Variants in NCKAP5 observed in about 807,000 individuals in gnomAD.
NCKAP5 encodes the protein NCK associated protein 5.
A neutral mutation model predicts 167.0 loss-of-function variants in NCKAP5; 92 were observed. The ratio of observed to expected loss-of-function variants is 0.55; its 90% CI spans 0.47 to 0.66. The LOEUF is 0.66. Among genes scored for constraint, NCKAP5 ranks in the 30% least tolerant of loss-of-function variants. The probability of loss-of-function intolerance (pLI) is 0.00; values close to 1 mark genes in which losing one functional copy is unlikely to be tolerated. For missense variants in NCKAP5, 2,378 were observed against 2,315.0 expected (o/e 1.03, Z -0.56); for synonymous variants, 891 against 877.4 (o/e 1.02, Z -0.27).
At chr2:133,029,205 A>T (rs1044541947) in intron 6 of NCKAP5, among the ~76,000 whole-genome samples, 1 of 152,220 alleles carries the variant, frequency 6.6e-6, no homozygotes, top group Non-Finnish European at 1.5e-5. Flanking sequence ...TTACAGCAAC[A>T]TAGGCAGTTG....
At chr2:133,254,421 C>T (rs13430905) in intron 4 of NCKAP5, among the ~76,000 whole-genome samples, 25,440 of 151,968 alleles carry the variant, frequency 0.17, 2,377 homozygotes, top group African/African-American at 0.26. Context: ...TTCGACGAGG[C>T]TGAGCCCTCA....
intron 19 of NCKAP5, among the ~76,000 whole-genome samples, chr2:132,694,163 C>T (rs1161007855): frequency 6.7e-6 from 1 of 149,738 alleles, no homozygotes; most frequent in Non-Finnish European, 1.5e-5. Flanking sequence ...CTTTATTTGA[C>T]TTAAAAATGG....
At chr2:133,401,923 G>A (rs1022934627) in intron 3 of NCKAP5, among the ~76,000 whole-genome samples, 1 of 151,996 alleles carries the variant, frequency 6.6e-6, no homozygotes, top group Middle Eastern at 3.2e-3. Context: ...TGGACCTACT[G>A]TACTACTCTA....
At chr2:133,244,632 C>T (rs552907182) in intron 4 of NCKAP5, among the ~76,000 whole-genome samples, 2 of 151,874 alleles carry the variant, frequency 1.3e-5, no homozygotes, top group Non-Finnish European at 2.9e-5. Context: ...AAAACAGGCC[C>T]ATGGGAGAAA....
At chr2:132,903,965 T>C (rs1234141719) in intron 8 of NCKAP5, among the ~76,000 whole-genome samples, 3 of 152,112 alleles carry the variant, frequency 2.0e-5, no homozygotes, top group Non-Finnish European at 4.4e-5. Flanking sequence ...TCTTGTGACA[T>C]AGAGTAAATA....
rs1484567235 is a variant in NCKAP5 at position 132,782,611 on chromosome 2, A to G, written c.4200T>C (p.Asn1400=). Residue 1400 remains asparagine (N), a synonymous_variant, in exon 14 of 20, where the codon AAT becomes AAC. Transcript: ENST00000409261. ...TGCCTGGTTCCCCAAGTACAGCCACATTGGCACTGGGGCACTCTCCCTGGG... is the reference window on the plus strand; with the variant it reads ...TGCCTGGTTCCCCAAGTACAGCCACGTTGGCACTGGGGCACTCTCCCTGGG... ...AFTQGECPSA[N]VAVLGEPGSD... is the part of the protein sequence containing the mutation. The G allele has an allele frequency of 1.3e-6, 2 of 1,594,596 alleles. No individual in the cohort carries two copies. Among genetic ancestry groups the G allele is most frequent in the East Asian group, 2.2e-5 (1 of 44,740 alleles).
intron 3 of NCKAP5, among the ~76,000 whole-genome samples, chr2:133,465,255 G>A (rs187903572): frequency 3.0e-4 from 45 of 148,822 alleles, no homozygotes; most frequent in African/African-American, 5.5e-4. Context: ...GAGAATATGC[G>A]GTGTTTGGTT....
chr2:133,635,252 G>A, the NCKAP5 span, among the ~76,000 whole-genome samples: 2 of 152,160 alleles, frequency 1.3e-5, no homozygotes, highest in African/African-American at 4.8e-5. Context: ...ATAAATACTT[G>A]AAAGCTGATG....
chr2:133,259,728 T>C (rs2088808968), intron 4 of NCKAP5, among the ~76,000 whole-genome samples: 1 of 152,224 alleles, frequency 6.6e-6, no homozygotes, highest in Non-Finnish European at 1.5e-5. Flanking sequence ...TTCCCTAATC[T>C]GATCTAAAGT....
the NCKAP5 span, among the ~76,000 whole-genome samples, chr2:133,616,520 A>T: frequency 6.6e-6 from 1 of 151,404 alleles, no homozygotes; most frequent in Admixed American, 6.6e-5. Context: ...AATACTACCA[A>T]CACCTCTACC....
intron 6 of NCKAP5, among the ~76,000 whole-genome samples, chr2:133,092,336 A>T (rs1418029683): frequency 1.3e-5 from 2 of 152,174 alleles, no homozygotes; most frequent in African/African-American, 4.8e-5. Flanking sequence ...CAGAAGTTGG[A>T]GTGATGCAGC....
intron 19 of NCKAP5, among the ~76,000 whole-genome samples, chr2:132,698,950 C>T (rs932052105): frequency 2.0e-5 from 3 of 152,210 alleles, no homozygotes; most frequent in Admixed American, 2.0e-4. Flanking sequence ...AACAAGCCTT[C>T]CAGGTAATTC....
chr2:133,422,813 T>C (rs1202411163), intron 3 of NCKAP5, among the ~76,000 whole-genome samples: 2 of 151,964 alleles, frequency 1.3e-5, no homozygotes, highest in Non-Finnish European at 2.9e-5. Flanking sequence ...CACTTTGGGA[T>C]TTTTTTTAAG....
rs938322008 is a variant in NCKAP5, at chr2:133,362,412, G to A, written c.70-59302C>T. On this transcript the variant is annotated intron_variant, in intron 3 of 19. Coordinates refer to ENST00000409261, the MANE Select transcript of NCKAP5 (RefSeq NM_207363.3). ...TTGCTGGCAAACTCTGGGGAATCAT[G>A]ATGAGTCAGAGGGGCCCCATATTAA... is the stretch of plus-strand genomic sequence containing the variant. Among the ~76,000 whole-genome samples the A allele has an allele frequency of 2.0e-5, 3 of 152,180 alleles. No homozygotes were observed. The South Asian group carries it at 6.2e-4, about 32-fold the overall frequency.
intron 8 of NCKAP5, among the ~76,000 whole-genome samples, chr2:132,941,206 T>C (rs769867146): frequency 2.0e-5 from 3 of 152,146 alleles, no homozygotes; most frequent in Non-Finnish European, 4.4e-5. Flanking sequence ...CAATTACATC[T>C]ACTAGAGAAT....
intron 12 of NCKAP5, among the ~76,000 whole-genome samples, chr2:132,791,674 T>C (rs1188024160): frequency 2.6e-5 from 4 of 152,242 alleles, no homozygotes; most frequent in Non-Finnish European, 5.9e-5. Flanking sequence ...ATACAATTTA[T>C]TGACACTTTG....
intron 11 of NCKAP5, among the ~76,000 whole-genome samples, chr2:132,858,496 T>G (rs1689639119): frequency 1.3e-5 from 2 of 152,196 alleles, no homozygotes; most frequent in South Asian, 2.1e-4. Context: ...TCTCAAACCC[T>G]AAAGTACTAT....
intron 3 of NCKAP5, among the ~76,000 whole-genome samples, chr2:133,337,460 A>G (rs1196222620): frequency 2.0e-5 from 3 of 152,218 alleles, no homozygotes; most frequent in Non-Finnish European, 4.4e-5. Flanking sequence ...CCTCATTATT[A>G]TGGGGTAAAG....
chr2:133,104,218 G>A (rs2081610334), intron 6 of NCKAP5, among the ~76,000 whole-genome samples: 1 of 151,988 alleles, frequency 6.6e-6, no homozygotes, highest in Admixed American at 6.6e-5. Context: ...ACCCCAAGTT[G>A]GACACAGAGC....
Sources: gnomAD v4.1 joint callset for allele counts (sites outside exome capture counted in the v4.1 genomes callset) on GRCh38, gnomAD v4.1.1 for gene constraint, MANE v1.5 for transcripts, NCBI Gene and HGNC (gene_info 2026-07-23, HGNC 2026-07-21) for gene names.